Variants in CEP170B observed in about 807,000 individuals in gnomAD.
CEP170B encodes centrosomal protein of 170 kDa protein B.
Under a neutral mutation model 120.6 loss-of-function variants are expected in CEP170B, and 55 were observed. The observed-to-expected ratio is 0.46, with a 90% confidence interval of 0.37 to 0.57. The LOEUF (loss-of-function observed/expected upper bound fraction) is 0.57, where lower values mean the gene tolerates loss of function less well. Ranked by LOEUF, CEP170B falls within the 20% of genes least tolerant of loss-of-function variation. The pLI is 0.00. For missense variants in CEP170B, 2,212 were observed against 2,253.3 expected, an observed-to-expected ratio of 0.98 and a Z score of 0.37; for synonymous variants, 1,033 against 954.5, an observed-to-expected ratio of 1.08 and a Z score of -1.52.
rs1897018944 is a variant in CEP170B at position 104,895,054 on chromosome 14, G to A, written c.*96G>A. On this transcript the variant is annotated 3_prime_UTR_variant, in exon 19 of 19. Coordinates refer to ENST00000414716, the MANE Select transcript of CEP170B (RefSeq NM_001112726.3). ...TGCCTGGCCGCAGGTGGTTCTCCCT[G>A]AAGACCCCCACATGTGCCATATCCC... is the stretch of plus-strand genomic sequence containing the variant. 5.1e-6 allele frequency: 7 copies of A among 1,369,182 alleles called. No homozygotes were observed. The highest frequency in any genetic ancestry group is 6.8e-6 in the Non-Finnish European group (7 of 1,027,368). The allele number at this position is 1,369,182 out of a possible 1,614,324, so 84.8% of individuals were successfully genotyped here.
Position 104,867,285 on chromosome 14 carries a change from G to T in CEP170B, c.-27-1139G>T, listed in dbSNP as rs1895251242. Among the ~76,000 whole-genome samples the T allele has an allele frequency of 2.6e-5, 4 of 152,122 alleles. No individual in the cohort carries two copies. Among genetic ancestry groups the T allele is most frequent in the Admixed American group, 2.6e-4 (4 of 15,276 alleles). ...CTCTGCCTGGAATGCAGTCCCACAA[G>T]CGTTCATGGGCTCACTTCCACCCCT... is the stretch of plus-strand genomic sequence containing the variant. On this transcript the variant is annotated intron_variant, in intron 1 of 18. Transcript: ENST00000414716. This position sits in a 1 kb window ranked among gnomAD's most constrained non-coding sequence, Gnocchi z 5.4.
Position 104,893,654 on chromosome 14 carries a change from G to C in CEP170B, c.4170G>C (p.Arg1390=). ...CCCTGGCCAACAAGACGCGGCCTCGGAACCGAGAGGAGGCACGGTGCCCAC... is the reference window on the plus strand; with the variant it reads ...CCCTGGCCAACAAGACGCGGCCTCGCAACCGAGAGGAGGCACGGTGCCCAC... ...EDALANKTRP[R]NREEVIFDNL... The change falls in exon 15 of 19, where the codon CGG becomes CGC. Residue 1390 remains arginine (R), a synonymous_variant. Coordinates refer to ENST00000414716, the MANE Select transcript of CEP170B (RefSeq NM_001112726.3). The C allele has an allele frequency of 6.3e-7, 1 of 1,587,556 alleles. No individual in the cohort carries two copies. Among genetic ancestry groups the C allele is most frequent in the Non-Finnish European group, 8.6e-7 (1 of 1,168,110 alleles).
Position 104,884,549 on chromosome 14 carries a change from G to A in CEP170B, c.1770G>A (p.Gln590=). 1 of 1,556,688 alleles carries A rather than the reference G, an allele frequency of 6.4e-7. No individual in the cohort carries two copies. The highest frequency in any genetic ancestry group is 8.7e-7 in the Non-Finnish European group (1 of 1,150,266). ...EVEEARKMID[Q]VFGVLESPEL... ...AGGAGGCCCGGAAGATGATCGACCA[G>A]GTGCAGCCCAGCGGCGAGTGAGAGC... The change falls in exon 9 of 19, where the codon CAG becomes CAA. Residue 590 remains glutamine, a splice_region_variant and synonymous_variant. Transcript: ENST00000414716.
chr14:104,886,767 G>T lies in CEP170B; in HGVS notation c.2528G>T (p.Arg843Ile). 1.2e-6 allele frequency: 2 copies of T among 1,611,790 alleles called. No individual in the cohort carries two copies. The highest frequency in any genetic ancestry group is 1.7e-6 in the Non-Finnish European group (2 of 1,179,716). ...RDGVYVSANG[R>I]MVIQLRPGRS... The stretch of plus-strand genomic sequence containing the variant: ...GGCGTCTATGTCAGTGCCAATGGGA[G>T]AATGGTCATCCAGCTACGGCCTGGA... Residue 843 changes from arginine to isoleucine, a missense_variant, in exon 12 of 19, where the codon AGA becomes ATA. Around this residue, in one of 2 missense-constraint regions of CEP170B, gnomAD observed 2,166 missense variants for 2,166.7 expected, o/e 1.00. Transcript: ENST00000414716.
In CEP170B at chr14:104,896,571, C is replaced by T. The variant is rs1897083305; in HGVS notation, c.*1613C>T. 2.2e-6 allele frequency: 1 copy of T among 456,036 alleles called. No homozygotes were observed. Among genetic ancestry groups the T allele is most frequent in the Admixed American group, 2.3e-5 (1 of 42,560 alleles). The allele number at this position is 456,036 out of a possible 1,614,324, so 28.2% of individuals were successfully genotyped here. On this transcript the variant is annotated 3_prime_UTR_variant, in exon 19 of 19. Transcript: ENST00000414716. The stretch of plus-strand genomic sequence containing the variant: ...TCCTGCTCCTCCCCACACTGAGCTC[C>T]TTTGTTCCTCCCCCTCCAGCCTTTG...
Position 104,884,360 on chromosome 14 carries a change from C to T in CEP170B, c.1581C>T (p.Pro527=), listed in dbSNP as rs997233687. Residue 527 remains proline (P), a synonymous_variant, in exon 9 of 19, where the codon CCC becomes CCT. Coordinates refer to ENST00000414716, the MANE Select transcript of CEP170B (RefSeq NM_001112726.3). ...CCGAGAAGGTTCCTCCGGTGCTGCC[C>T]GCTCCCCTGACACCCCATGGGACCA... ...PSPEKVPPVL[P]APLTPHGTSP... The T allele has an allele frequency of 1.4e-5, 21 of 1,545,882 alleles. No homozygotes were observed. Among genetic ancestry groups the T allele is most frequent in the South Asian group, 4.8e-5 (4 of 83,802 alleles).
At chr14:104,873,278 C>CGGAAGCTGG (rs1895672140) in intron 2 of CEP170B, among the ~76,000 whole-genome samples, 2 of 76,648 alleles carry the variant, frequency 2.6e-5, no homozygotes, top group Non-Finnish European at 4.7e-5. Context: ...TCAAAGGAGC[C>CGGAAGCTGG]GGAAGCTGGT....
In CEP170B at chr14:104,895,402, G is replaced by A. The variant is rs1438569561; in HGVS notation, c.*444G>A. On this transcript the variant is annotated 3_prime_UTR_variant, in exon 19 of 19. Transcript: ENST00000414716. ...TGGCCTGCGGCCAGGCAGAGGAAGA[G>A]AGGTCGACTGTGGGGTCATTTGGTG... The A allele has an allele frequency of 6.3e-6, 1 of 157,820 alleles. No individual in the cohort carries two copies. Among genetic ancestry groups the A allele is most frequent in the Non-Finnish European group, 1.4e-5 (1 of 71,888 alleles). The allele number at this position is 157,820 out of a possible 1,614,324, so 9.8% of individuals were successfully genotyped here.
rs760839795 is a variant in CEP170B, at chr14:104,886,623, C to T, written c.2384C>T (p.Ala795Val). 2.0e-6 allele frequency: 3 copies of T among 1,522,318 alleles called. No homozygotes were observed. Among genetic ancestry groups the T allele is most frequent in the East Asian group, 4.5e-5 (2 of 44,176 alleles). The allele number at this position is 1,522,318 out of a possible 1,614,324, so 94.3% of individuals were successfully genotyped here. Residue 795 changes from alanine (A) to valine (V), a missense_variant, in exon 12 of 19, where the codon GCC (alanine) becomes GTC (valine). Ala to Val is a moderately conservative substitution (Grantham distance 64). Coordinates refer to ENST00000414716, the MANE Select transcript of CEP170B (RefSeq NM_001112726.3). ...AGGGCCCCCGGGGAGCCAACTCCCG[C>T]CTCTTTCTTCATTGGGGACCAGAAT... Reference protein sequence around the residue: ...SPRAPGEPTPASFFIGDQNGD... With the variant: ...SPRAPGEPTPVSFFIGDQNGD...
chr14:104,881,714 A>C (rs2582557), intron 6 of CEP170B, among the ~76,000 whole-genome samples: 1 of 151,924 alleles, frequency 6.6e-6, no homozygotes, highest in Non-Finnish European at 1.5e-5. Flanking sequence ...ACCAAGGAGG[A>C]GTTCAGGGCC....
intron 6 of CEP170B, 148 bp downstream of exon 6, chr14:104,880,573 C>G: frequency 8.5e-7 from 1 of 1,181,020 alleles, no homozygotes; most frequent in South Asian, 1.5e-5. Flanking sequence ...CCTACCCTTG[C>G]ACATGCACAC....
chr14:104,872,501 CGTGT>C (rs549112727), intron 2 of CEP170B, among the ~76,000 whole-genome samples: 5 of 82,544 alleles, frequency 6.1e-5, no homozygotes, highest in East Asian at 4.6e-4. Context: ...TGTGTGTGTG[CGTGT>C]GTAAGTGTGC....
rs1190816669 is a variant in CEP170B at position 104,876,431 on chromosome 14, A to G, written c.195+86A>G. 3 of 1,247,268 alleles carry G rather than the reference A, an allele frequency of 2.4e-6. No homozygotes were observed. In the Admixed American group the frequency reaches 6.1e-5, roughly 25 times the overall value. The allele number at this position is 1,247,268 out of a possible 1,614,324, so 77.3% of individuals were successfully genotyped here. A position where few individuals can be genotyped will look rare whatever the true frequency, so the allele number is the denominator to read the frequency against. The stretch of plus-strand genomic sequence containing the variant: ...CCCTCTCAGTTCTGGCTCCTCCCCC[A>G]GTCATAGCCCCTCCCTCTCAGCCCT... On this transcript the variant is annotated intron_variant, in intron 3 of 18. Coordinates refer to ENST00000414716, the MANE Select transcript of CEP170B (RefSeq NM_001112726.3).
upstream of CEP170B, among the ~76,000 whole-genome samples, chr14:104,864,604 C>A (rs1895088814): frequency 2.0e-5 from 3 of 152,124 alleles, no homozygotes. This position sits in a 1 kb window ranked among gnomAD's most constrained non-coding sequence, Gnocchi z 5.9. Flanking sequence ...CCCCACCCCT[C>A]GGCCAGGTCA....
In CEP170B at chr14:104,884,356, T is replaced by C. The variant is rs1273275288; in HGVS notation, c.1577T>C (p.Leu526Pro). The change falls in exon 9 of 19, where the codon CTG becomes CCG. Residue 526 changes from leucine (L) to proline (P), a missense_variant. Leu to Pro is a moderately conservative substitution (Grantham distance 98, BLOSUM62 -3). Coordinates refer to ENST00000414716, the MANE Select transcript of CEP170B (RefSeq NM_001112726.3). ...AGCCCCGAGAAGGTTCCTCCGGTGC[T>C]GCCCGCTCCCCTGACACCCCATGGG... ...RPSPEKVPPV[L>P]PAPLTPHGTS... The C allele has an allele frequency of 6.5e-7, 1 of 1,545,308 alleles. No homozygotes were observed. Among genetic ancestry groups the C allele is most frequent in the African/African-American group, 1.4e-5 (1 of 72,766 alleles).
chr14:104,876,695 G>T (rs964753793), intron 3 of CEP170B, among the ~76,000 whole-genome samples: 1 of 152,222 alleles, frequency 6.6e-6, no homozygotes, highest in Admixed American at 6.5e-5. Flanking sequence ...GTCTCAGGCC[G>T]CCAAGGATCA....
chr14:104,885,361 C>T lies in CEP170B; in HGVS notation c.1771-8C>T. On this transcript the variant is annotated splice_region_variant and splice_polypyrimidine_tract_variant and intron_variant, in intron 9 of 18. Coordinates refer to ENST00000414716, the MANE Select transcript of CEP170B (RefSeq NM_001112726.3). ...CCCTCGGTGCCTGGGACCATTTCCTCTTGGCAGGTCTTTGGGGTGTTGGAG... is the reference window on the plus strand; with the variant it reads ...CCCTCGGTGCCTGGGACCATTTCCTTTTGGCAGGTCTTTGGGGTGTTGGAG... 1 of 1,550,582 alleles carries T rather than the reference C, an allele frequency of 6.4e-7. No homozygotes were observed. The highest frequency in any genetic ancestry group is 1.2e-5 in the South Asian group (1 of 83,068).
chr14:104,878,340 C>T, intron 4 of CEP170B, 103 bp from the exon 5 acceptor site: 3 of 1,208,328 alleles, frequency 2.5e-6, no homozygotes, highest in Non-Finnish European at 3.6e-6. Flanking sequence ...CCTCCTCTGC[C>T]TGCCTCGATG....
At chr14:104,872,369 GTGC>G (rs1895584080) in intron 2 of CEP170B, among the ~76,000 whole-genome samples, 1 of 89,614 alleles carries the variant, frequency 1.1e-5, no homozygotes, top group Non-Finnish European at 2.6e-5. Flanking sequence ...CCGCGTGTGT[GTGC>G]CATGGGTGTG....
Sources: allele counts gnomAD v4.1 joint callset (sites outside exome capture counted in the v4.1 genomes callset), GRCh38; gene constraint gnomAD v4.1.1; regional missense constraint gnomAD v4.1.1; non-coding constraint Gnocchi (gnomAD v3.1); transcripts MANE v1.5; gene names NCBI Gene and HGNC (gene_info 2026-07-23, HGNC 2026-07-21).